Variants in VPS37A observed in about 807,000 individuals in gnomAD.
VPS37A encodes the protein vacuolar protein sorting-associated protein 37A.
Under a neutral mutation model 49.8 loss-of-function variants are expected in VPS37A, and 30 were observed. The observed-to-expected ratio is 0.60, with a 90% confidence interval of 0.45 to 0.82. The LOEUF (loss-of-function observed/expected upper bound fraction) is 0.82, where lower values mean the gene tolerates loss of function less well. Ranked by LOEUF, VPS37A falls within the 40% of genes least tolerant of loss-of-function variation. The pLI is 0.00. For synonymous variants in VPS37A, 195 were observed against 160.6 expected (o/e 1.21, Z -1.62); for missense variants, 593 against 464.4 (o/e 1.28, Z -2.55).
At chr8:17,272,121 A>C in intron 4 of VPS37A, 1 of 456,042 alleles carries the variant, frequency 2.2e-6, no homozygotes, top group South Asian at 1.6e-5. Flanking sequence ...CTTTCCACTA[A>C]TAAAAAGTTC....
chr8:17,260,899 C>G (rs1812905093), intron 1 of VPS37A, among the ~76,000 whole-genome samples: 1 of 152,166 alleles, frequency 6.6e-6, no homozygotes. Flanking sequence ...TTAGGATCCT[C>G]TCTTTGTGCT....
At chr8:17,266,802 C>A (rs1245672224) in intron 2 of VPS37A, among the ~76,000 whole-genome samples, 1 of 152,094 alleles carries the variant, frequency 6.6e-6, no homozygotes, top group African/African-American at 2.4e-5. Flanking sequence ...GAGACGGAGC[C>A]TCCCTCTGTC....
At chr8:17,270,652 C>T (rs1240515991) in intron 4 of VPS37A, among the ~76,000 whole-genome samples, 2 of 152,074 alleles carry the variant, frequency 1.3e-5, no homozygotes, top group African/African-American at 2.4e-5. Context: ...CTTCATTTCT[C>T]GATGGGGTAG....
chr8:17,300,247 A>C (rs1817028050), downstream of VPS37A: 1 of 1,583,626 alleles, frequency 6.3e-7, no homozygotes. Context: ...TAACAATTTC[A>C]GGGGAAAAAT....
At chr8:17,291,330 TTTTTA>T (rs760004200) in intron 11 of VPS37A, among the ~76,000 whole-genome samples, 1 of 152,158 alleles carries the variant, frequency 6.6e-6, no homozygotes, top group East Asian at 1.9e-4. Context: ...CCTTTATCAT[TTTTTA>T]TTTTGTCTAT....
At chr8:17,268,712 T>C in intron 3 of VPS37A, 144 bp from the exon 4 acceptor site, 1 of 646,456 alleles carries the variant, frequency 1.5e-6, no homozygotes, top group East Asian at 2.9e-5. Flanking sequence ...AAGAAAATGC[T>C]ATAACTTGTT....
chr8:17,330,854 G>C, the VPS37A span, among the ~76,000 whole-genome samples: 2 of 152,090 alleles, frequency 1.3e-5, no homozygotes, highest in East Asian at 3.9e-4. Flanking sequence ...CCTTGAATGG[G>C]GATCAAACTA....
chr8:17,306,188 AAAGT>A (rs1817445540), downstream of VPS37A, among the ~76,000 whole-genome samples: 1 of 152,212 alleles, frequency 6.6e-6, no homozygotes, highest in Non-Finnish European at 1.5e-5. Context: ...GTTACAAAAG[AAAGT>A]GTTAGTGCAA....
At chr8:17,325,151 G>C in the VPS37A span, among the ~76,000 whole-genome samples, 2 of 151,944 alleles carry the variant, frequency 1.3e-5, no homozygotes, top group Non-Finnish European at 2.9e-5. Context: ...TCCTCTCCAA[G>C]CAGAGAGAAC....
At chr8:17,299,681 C>A, downstream of VPS37A, 3 of 739,274 alleles carry the variant, frequency 4.1e-6, no homozygotes, top group Non-Finnish European at 6.5e-6. Context: ...AATGAAATGA[C>A]TACGTCCTCT....
At chr8:17,299,985 G>A (rs758544072), downstream of VPS37A, 2 of 1,614,140 alleles carry the variant, frequency 1.2e-6, no homozygotes, top group African/African-American at 1.3e-5. Flanking sequence ...CTTGGTCACT[G>A]TTGGCTGACA....
At chr8:17,247,593 C>A in intron 1 of VPS37A, 1 of 719,092 alleles carries the variant, frequency 1.4e-6, no homozygotes, top group South Asian at 1.5e-5. Flanking sequence ...GCTTCTAACT[C>A]GGATTTCCTC....
rs1247079234 is a variant in VPS37A, at chr8:17,280,235, A to G, written c.842-4A>G. Reference sequence around the variant, plus strand: ...TAGAAGTAAACTAGAGATTTATCTTACAGGAAAAAATCTCCTTTTGGAGCC... The same window carrying G: ...TAGAAGTAAACTAGAGATTTATCTTGCAGGAAAAAATCTCCTTTTGGAGCC... On this transcript the variant is annotated splice_polypyrimidine_tract_variant and splice_region_variant and intron_variant, in intron 7 of 11. Coordinates refer to ENST00000324849, the MANE Select transcript of VPS37A (RefSeq NM_152415.3). The G allele has an allele frequency of 1.2e-6, 2 of 1,612,676 alleles. No homozygotes were observed. The highest frequency in any genetic ancestry group is 1.1e-5 in the South Asian group (1 of 90,774).
rs763473573 is a variant in VPS37A, at chr8:17,297,918, GTT to G, written c.*2934_*2935del. 3.9e-5 allele frequency: 6 copies of G among 151,986 alleles called. No individual in the cohort carries two copies. Among genetic ancestry groups the G allele is most frequent in the East Asian group, 1.9e-4 (1 of 5,200 alleles). The allele number at this position is 151,986 out of a possible 1,614,324, so 9.4% of individuals were successfully genotyped here. Reference sequence around the variant, plus strand: ...TGTAAAAAAGTTGAGGGGACTAAAAGTTTATGACTCTGATATGGAAGTTGTCA... The same window carrying G: ...TGTAAAAAAGTTGAGGGGACTAAAAGTATGACTCTGATATGGAAGTTGTCA... On this transcript the variant is annotated 3_prime_UTR_variant, in exon 12 of 12. Transcript: ENST00000324849.
At chr8:17,252,888 G>T (rs1169657471) in intron 1 of VPS37A, among the ~76,000 whole-genome samples, 1 of 152,150 alleles carries the variant, frequency 6.6e-6, no homozygotes, top group East Asian at 1.9e-4. Context: ...CATTTTGACT[G>T]TGTAAATGCA....
the VPS37A span, among the ~76,000 whole-genome samples, chr8:17,318,282 G>A: frequency 3.8e-4 from 58 of 152,232 alleles, no homozygotes; most frequent in African/African-American, 1.3e-3. Context: ...CCCAGCAGAC[G>A]TACACCAAAT....
chr8:17,301,986 G>T, downstream of VPS37A: 1 of 803,548 alleles, frequency 1.2e-6, no homozygotes, highest in Non-Finnish European at 1.9e-6. Flanking sequence ...GCCTAGGTTT[G>T]GGCTTCGGTT....
intron 10 of VPS37A, among the ~76,000 whole-genome samples, chr8:17,285,662 C>A (rs902630564): frequency 3.9e-5 from 6 of 152,078 alleles, no homozygotes; most frequent in Admixed American, 3.9e-4. Flanking sequence ...AATTGAAGTT[C>A]AGAGATGTTA....
intron 1 of VPS37A, among the ~76,000 whole-genome samples, chr8:17,261,001 T>G (rs1490698621): frequency 6.6e-6 from 1 of 152,164 alleles, no homozygotes; most frequent in Non-Finnish European, 1.5e-5. Context: ...TACCTGGATA[T>G]TTATGACTTT....
Sources: gnomAD v4.1 joint callset for allele counts (sites outside exome capture counted in the v4.1 genomes callset) on GRCh38, gnomAD v4.1.1 for gene constraint, MANE v1.5 for transcripts, NCBI Gene and HGNC (gene_info 2026-07-23, HGNC 2026-07-21) for gene names.